Variants in TENM3 observed in about 807,000 individuals in gnomAD.
TENM3 encodes teneurin-3.
TENM3 carries 63 observed loss-of-function variants against 255.1 expected under a neutral mutation model. The ratio of observed to expected loss-of-function variants is 0.25; its 90% CI spans 0.20 to 0.30. TENM3 has a LOEUF of 0.30. Ranked by LOEUF, TENM3 falls within the 10% of genes least tolerant of loss-of-function variation. The pLI, the probability that TENM3 is intolerant of heterozygous loss-of-function variation, is 1.00. For synonymous variants in TENM3, 1,306 were observed against 1,322.3 expected (o/e 0.99, Z 0.27); for missense variants, 2,929 against 3,461.1 (o/e 0.85, Z 3.86).
intron 22 of TENM3, 90 bp downstream of exon 22, chr4:182,755,349 A>T: frequency 8.0e-7 from 1 of 1,242,888 alleles, no homozygotes; most frequent in Non-Finnish European, 1.1e-6. Flanking sequence ...GAGCTGGAGG[A>T]TTCCATGTTT....
At chr4:182,533,109 T>G (rs1739936343) in intron 3 of TENM3, among the ~76,000 whole-genome samples, 1 of 152,216 alleles carries the variant, frequency 6.6e-6, no homozygotes. Context: ...CAGGTAAACT[T>G]TCATGTGGGC....
intron 2 of TENM3, among the ~76,000 whole-genome samples, chr4:182,345,618 C>T (rs372744422): frequency 6.6e-6 from 1 of 152,128 alleles, no homozygotes; most frequent in Non-Finnish European, 1.5e-5. Context: ...TTTATGTATG[C>T]ATGACAAGCA....
intron 1 of TENM3, among the ~76,000 whole-genome samples, chr4:182,208,972 G>GTTT (rs540578050): frequency 7.1e-6 from 1 of 140,344 alleles, no homozygotes; most frequent in Non-Finnish European, 1.6e-5. Context: ...CTTTTTTTTT[G>GTTT]TTTTTTTTTT....
Position 182,225,983 on chromosome 4 carries a change from C to CG in TENM3, c.-76+81232dup, listed in dbSNP as rs1227756781. 2.0e-5 allele frequency among the ~76,000 whole-genome samples: 3 copies of CG among 152,206 alleles called. No individual in the cohort carries two copies. In the South Asian group the frequency reaches 6.2e-4, roughly 32 times the overall value. On this transcript the variant is annotated intron_variant, in intron 1 of 2. Coordinates refer to the TENM3 transcript ENST00000512480. Reference sequence around the variant, plus strand: ...AAATATCATCCAAGTAAGGAACCATCGGGAAATACAGACCAAGGGCAATTA... The same window carrying CG: ...AAATATCATCCAAGTAAGGAACCATCGGGGAAATACAGACCAAGGGCAATTA...
intron 3 of TENM3, among the ~76,000 whole-genome samples, chr4:182,558,269 C>A (rs988189850): frequency 2.0e-5 from 3 of 152,316 alleles, no homozygotes; most frequent in Non-Finnish European, 4.4e-5. Flanking sequence ...TGCACAGCAT[C>A]TCCATCAGGT....
chr4:181,796,011 T>C, the TENM3 span, among the ~76,000 whole-genome samples: 1 of 152,086 alleles, frequency 6.6e-6, no homozygotes, highest in East Asian at 1.9e-4. Flanking sequence ...GGAAAGGGGA[T>C]GGAATATATC....
At chr4:181,615,446 A>G in the TENM3 span, among the ~76,000 whole-genome samples, 3 of 152,156 alleles carry the variant, frequency 2.0e-5, no homozygotes, top group Non-Finnish European at 4.4e-5. Context: ...TTCACTCACT[A>G]AAGTTTTCTC....
At chr4:181,744,902 T>C in the TENM3 span, among the ~76,000 whole-genome samples, 2 of 152,220 alleles carry the variant, frequency 1.3e-5, no homozygotes, top group South Asian at 2.1e-4. Context: ...AGTTTGGACC[T>C]GCCCAGTTTT....
intron 1 of TENM3, among the ~76,000 whole-genome samples, chr4:182,171,739 A>G (rs1053454268): frequency 1.3e-5 from 2 of 152,250 alleles, no homozygotes; most frequent in Non-Finnish European, 1.5e-5. Flanking sequence ...TTCAGATAAA[A>G]AACAAAAGTT....
the TENM3 span, among the ~76,000 whole-genome samples, chr4:182,001,020 T>A: frequency 1.3e-3 from 199 of 148,752 alleles, 1 homozygote; most frequent in African/African-American, 4.7e-3. Flanking sequence ...TTTTTTTTTT[T>A]AATAATTCAC....
chr4:182,052,505 A>G, the TENM3 span, among the ~76,000 whole-genome samples: 10 of 152,276 alleles, frequency 6.6e-5, no homozygotes, highest in African/African-American at 2.4e-4. Flanking sequence ...CTCGCCACCA[A>G]TAGCTGCCTG....
the TENM3 span, among the ~76,000 whole-genome samples, chr4:181,547,003 A>C: frequency 6.6e-6 from 1 of 152,150 alleles, no homozygotes; most frequent in Non-Finnish European, 1.5e-5. Context: ...ATCATCTGCC[A>C]GTAAGCCCTG....
the TENM3 span, among the ~76,000 whole-genome samples, chr4:181,711,153 C>CA: frequency 2.0e-5 from 3 of 152,074 alleles, no homozygotes; most frequent in African/African-American, 7.2e-5. Context: ...TCTAGCTGAT[C>CA]AAAGCAATTA....
chr4:182,037,051 GA>G, the TENM3 span, among the ~76,000 whole-genome samples: 1 of 151,244 alleles, frequency 6.6e-6, no homozygotes, highest in Non-Finnish European at 1.5e-5. Context: ...TAACAGGATG[GA>G]AAAAAATAAA....
the TENM3 span, among the ~76,000 whole-genome samples, chr4:181,481,047 G>C: frequency 2.0e-5 from 3 of 151,454 alleles, no homozygotes; most frequent in Non-Finnish European, 4.4e-5. Context: ...AATTCTTCAT[G>C]ATAAATCAAA....
the TENM3 span, among the ~76,000 whole-genome samples, chr4:181,502,799 C>T: frequency 6.6e-6 from 1 of 152,144 alleles, no homozygotes; most frequent in Non-Finnish European, 1.5e-5. Flanking sequence ...CCTACAGAAA[C>T]CCTCCTCAGG....
At chr4:182,059,663 C>T in the TENM3 span, among the ~76,000 whole-genome samples, 2 of 143,584 alleles carry the variant, frequency 1.4e-5, no homozygotes, top group African/African-American at 2.5e-5. Context: ...AATCCCAACA[C>T]TTTGGGAGGC....
chr4:181,966,098 T>C, the TENM3 span, among the ~76,000 whole-genome samples: 14 of 152,354 alleles, frequency 9.2e-5, no homozygotes, highest in South Asian at 2.7e-3. Context: ...AGCAGCTGTG[T>C]CATTCTTTGC....
chr4:182,534,270 A>G (rs1740062641), intron 3 of TENM3, among the ~76,000 whole-genome samples: 1 of 152,224 alleles, frequency 6.6e-6, no homozygotes, highest in South Asian at 2.1e-4. Flanking sequence ...ATTTACCTCC[A>G]AGAGATGAGG....
Sources: gnomAD v4.1 joint callset for allele counts (sites outside exome capture counted in the v4.1 genomes callset) on GRCh38, gnomAD v4.1.1 for gene constraint, MANE v1.5 for transcripts, NCBI Gene and HGNC (gene_info 2026-07-23, HGNC 2026-07-21) for gene names.